GALNT11: variants seen among roughly 807,000 people sequenced by gnomAD.
GALNT11 encodes polypeptide N-acetylgalactosaminyltransferase 11, also known as UDP-GalNAc:polypeptide N-acetylgalactosaminyltransferase 11.
Under a neutral mutation model 72.7 loss-of-function variants are expected in GALNT11, and 47 were observed. The ratio of observed to expected loss-of-function variants is 0.65; its 90% confidence interval spans 0.51 to 0.82. The LOEUF (loss-of-function observed/expected upper bound fraction) is 0.82. Among genes scored for constraint, GALNT11 ranks in the 40% least tolerant of loss-of-function variants. The pLI is 0.00. For synonymous variants in GALNT11, 270 were observed against 286.6 expected (o/e 0.94, Z 0.58); for missense variants, 677 against 778.4 (o/e 0.87, Z 1.55).
intron 8 of GALNT11, among the ~76,000 whole-genome samples, chr7:152,114,632 C>T (rs1295836375): frequency 6.6e-6 from 1 of 151,958 alleles, no homozygotes; most frequent in Admixed American, 6.5e-5. Context: ...GCAATCTCGG[C>T]TCACTGCAAC....
At chr7:152,107,802 G>A (rs753889683) in intron 5 of GALNT11, 16 of 376,784 alleles carry the variant, frequency 4.2e-5, no homozygotes, top group Non-Finnish European at 6.3e-5. Flanking sequence ...AGAGTCGCGC[G>A]TATGATTTGT....
At chr7:152,062,588 T>C (rs2129000520) in intron 1 of GALNT11, among the ~76,000 whole-genome samples, 1 of 152,342 alleles carries the variant, frequency 6.6e-6, no homozygotes, top group African/African-American at 2.4e-5. Context: ...TTCAGTATGA[T>C]ATTGGCTGTG....
At chr7:152,116,845 A>G in intron 8 of GALNT11, 1 of 506,040 alleles carries the variant, frequency 2.0e-6, no homozygotes, top group Non-Finnish European at 3.8e-6. Flanking sequence ...TAATTATTTT[A>G]AGGAATTAAT....
At chr7:152,041,604 T>C (rs1051942685) in intron 1 of GALNT11, among the ~76,000 whole-genome samples, 2 of 152,082 alleles carry the variant, frequency 1.3e-5, no homozygotes, top group Non-Finnish European at 2.9e-5. Context: ...AAATCTAGAG[T>C]CTTCTCTGGA....
intron 1 of GALNT11, among the ~76,000 whole-genome samples, chr7:152,064,545 G>C (rs1187275547): frequency 1.3e-5 from 2 of 152,170 alleles, no homozygotes. Context: ...TTTCTTCCTA[G>C]CATTGATGGT....
At chr7:152,040,974 C>T (rs1186710537) in intron 1 of GALNT11, among the ~76,000 whole-genome samples, 4 of 152,190 alleles carry the variant, frequency 2.6e-5, no homozygotes, top group African/African-American at 7.2e-5. Flanking sequence ...TTTCTTCCGC[C>T]ATCTGTGGCA....
intron 9 of GALNT11, 173 bp from the exon 10 acceptor site, chr7:152,118,505 A>G (rs2089107064): frequency 1.8e-6 from 1 of 560,770 alleles, no homozygotes; most frequent in African/African-American, 2.0e-5. Context: ...GTCTATCTTG[A>G]TGCTCCTGTG....
At chr7:152,034,301 A>G (rs973318618) in intron 1 of GALNT11, among the ~76,000 whole-genome samples, 3 of 152,142 alleles carry the variant, frequency 2.0e-5, no homozygotes, top group African/African-American at 7.2e-5. Context: ...ATAGTTGTGT[A>G]TTCTCCTTCA....
chr7:152,085,946 A>G (rs560598006), intron 1 of GALNT11, among the ~76,000 whole-genome samples: 1 of 150,116 alleles, frequency 6.7e-6, no homozygotes, highest in African/African-American at 2.5e-5. Context: ...GGAGTGCAGT[A>G]GTGCAACCTC....
chr7:152,103,440 C>G lies in GALNT11; in HGVS notation c.586+162C>G, dbSNP rs536110096. 8 of 651,948 alleles carry G rather than the reference C, an allele frequency of 1.2e-5. No individual in the cohort carries two copies. The East Asian group carries it at 2.0e-4, about 16-fold the overall frequency. 40.4% of individuals were successfully genotyped at this position (651,948 alleles called of 1,614,324 possible). ...AAATAAGTCTGAAGAAATCCATTAT[C>G]TTTGTAACCTGCTTATAAACTATGC... On this transcript the variant is annotated intron_variant, in intron 4 of 11. Transcript: ENST00000430044.
chr7:152,077,464 G>A (rs2085054613), intron 1 of GALNT11, among the ~76,000 whole-genome samples: 1 of 152,142 alleles, frequency 6.6e-6, no homozygotes, highest in Admixed American at 6.5e-5. Flanking sequence ...AACTTGCTGT[G>A]GGTAAGAATC....
intron 1 of GALNT11, among the ~76,000 whole-genome samples, chr7:152,050,862 C>T (rs1422150617): frequency 6.6e-6 from 1 of 152,304 alleles, no homozygotes; most frequent in East Asian, 1.9e-4. Flanking sequence ...TGGGCGCCAG[C>T]TGAATTCTGC....
chr7:152,047,335 G>T (rs1019967627), intron 1 of GALNT11, among the ~76,000 whole-genome samples: 1 of 152,004 alleles, frequency 6.6e-6, no homozygotes, highest in Non-Finnish European at 1.5e-5. Context: ...GCTGGGTGTG[G>T]TGCCTGTAAT....
intron 8 of GALNT11, among the ~76,000 whole-genome samples, chr7:152,116,190 A>G (rs1348669517): frequency 6.6e-6 from 1 of 152,236 alleles, no homozygotes; most frequent in Non-Finnish European, 1.5e-5. Flanking sequence ...CCACACTGTT[A>G]CAAAAACGGG....
intron 7 of GALNT11, among the ~76,000 whole-genome samples, chr7:152,112,821 T>G (rs1276872864): frequency 6.6e-6 from 1 of 152,000 alleles, no homozygotes; most frequent in Non-Finnish European, 1.5e-5. Flanking sequence ...CAAAAAAGAA[T>G]ATGCATTGTA....
chr7:152,039,934 T>C (rs2082770342), intron 1 of GALNT11, among the ~76,000 whole-genome samples: 2 of 152,244 alleles, frequency 1.3e-5, no homozygotes, highest in African/African-American at 2.4e-5. Flanking sequence ...TCAAAAAATT[T>C]AAAGTTAAGA....
At chr7:152,081,548 C>T (rs1787406569) in intron 1 of GALNT11, among the ~76,000 whole-genome samples, 1 of 152,138 alleles carries the variant, frequency 6.6e-6, no homozygotes, top group South Asian at 2.1e-4. Context: ...GCTTTTTGTG[C>T]AGATTAAAAT....
At chr7:152,099,928 GA>G (rs1216071444) in intron 2 of GALNT11, among the ~76,000 whole-genome samples, 2 of 148,904 alleles carry the variant, frequency 1.3e-5, no homozygotes, top group African/African-American at 5.0e-5. Context: ...GTGAGCCACT[GA>G]GCCACCACAC....
intron 9 of GALNT11, 170 bp from the exon 10 acceptor site, chr7:152,118,508 C>G: frequency 1.8e-6 from 1 of 565,796 alleles, no homozygotes; most frequent in Non-Finnish European, 3.0e-6. Flanking sequence ...TATCTTGATG[C>G]TCCTGTGTTC....
Sources: allele counts gnomAD v4.1 joint callset (sites outside exome capture counted in the v4.1 genomes callset), GRCh38; gene constraint gnomAD v4.1.1; transcripts MANE v1.5; gene names NCBI Gene and HGNC (gene_info 2026-07-23, HGNC 2026-07-21).